CFAP74: variants seen among roughly 807,000 people sequenced by gnomAD.
CFAP74 encodes the protein cilia and flagella associated protein 74.
Under a neutral mutation model 188.9 loss-of-function variants are expected in CFAP74, and 124 were observed. The ratio of observed to expected loss-of-function variants is 0.66; its 90% confidence interval spans 0.57 to 0.76. The LOEUF is 0.76. Among genes scored for constraint, CFAP74 ranks in the 30% least tolerant of loss-of-function variants. The pLI, the probability that CFAP74 is intolerant of heterozygous loss-of-function variation, is 0.00. For missense variants in CFAP74, 2,198 were observed against 2,165.2 expected (o/e 1.02, Z -0.30); for synonymous variants, 956 against 916.7 (o/e 1.04, Z -0.77).
intron 33 of CFAP74, among the ~76,000 whole-genome samples, chr1:1,924,758 C>T (rs1651726659): frequency 6.6e-6 from 1 of 152,220 alleles, no homozygotes; most frequent in Non-Finnish European, 1.5e-5. Context: ...GGTGCGTGGA[C>T]AGCTCTGGGG....
chr1:1,955,426 C>T (rs1329687157), intron 18 of CFAP74: 6 of 1,482,984 alleles, frequency 4.0e-6, no homozygotes, highest in African/African-American at 2.8e-5. Flanking sequence ...TGTGCGGCTC[C>T]GCCCGTGCTG....
At chr1:1,940,785 T>C (rs1349420156) in intron 22 of CFAP74, among the ~76,000 whole-genome samples, 2 of 152,364 alleles carry the variant, frequency 1.3e-5, no homozygotes, top group Non-Finnish European at 2.9e-5. Flanking sequence ...CAGAGCTTGA[T>C]CTCTGATTAC....
At chr1:2,003,563 G>T (rs1026976819) in intron 1 of CFAP74, 138 bp downstream of exon 1, 1 of 152,214 alleles carries the variant, frequency 6.6e-6, no homozygotes, top group Non-Finnish European at 1.5e-5. Context: ...CCAGGGACTA[G>T]AACTATTAAC....
rs1655905179 is a variant in CFAP74 at position 1,970,796 on chromosome 1, T to C, written c.909A>G (p.Gln303=). 1.2e-6 allele frequency: 2 copies of C among 1,614,124 alleles called. No individual in the cohort carries two copies. The highest frequency in any genetic ancestry group is 2.2e-5 in the South Asian group (2 of 91,090). The change falls in exon 10 of 39, where the codon CAA becomes CAG. Residue 303 remains glutamine, a synonymous_variant. Coordinates refer to ENST00000682832, the MANE Select transcript of CFAP74 (RefSeq NM_001304360.2). ...SANRDTLRKF[Q]AWDRAKAELA... is the part of the protein sequence containing the mutation. ...GCTCTGCCTTGGCACGGTCCCATGCTTGGAACTTCCGCAGTGTGTCCTTGG... is the reference window on the plus strand; with the variant it reads ...GCTCTGCCTTGGCACGGTCCCATGCCTGGAACTTCCGCAGTGTGTCCTTGG...
intron 1 of CFAP74, among the ~76,000 whole-genome samples, chr1:2,001,184 C>T (rs1658185418): frequency 6.6e-6 from 1 of 152,150 alleles, no homozygotes; most frequent in East Asian, 1.9e-4. Flanking sequence ...AGGTGTGGTC[C>T]AGCAGAGGGT....
intron 28 of CFAP74, 66 bp downstream of exon 28, chr1:1,927,541 G>A (rs889776885): frequency 2.9e-5 from 42 of 1,450,026 alleles, no homozygotes; most frequent in African/African-American, 4.2e-5. Flanking sequence ...ACTCTACAGG[G>A]GCCACAGTGG....
intron 16 of CFAP74, 144 bp from the exon 17 acceptor site, chr1:1,956,928 C>T: frequency 1.2e-6 from 1 of 847,210 alleles, no homozygotes; most frequent in Non-Finnish European, 1.8e-6. Flanking sequence ...ACGATTCAAC[C>T]CAGAAATCAG....
At chr1:1,947,795 C>T (rs1220718082) in intron 18 of CFAP74, among the ~76,000 whole-genome samples, 1 of 152,212 alleles carries the variant, frequency 6.6e-6, no homozygotes, top group Non-Finnish European at 1.5e-5. Context: ...CAGAGCTCTT[C>T]AGGAGCCAGG....
chr1:1,945,510 C>G (rs1653689366), intron 20 of CFAP74, among the ~76,000 whole-genome samples: 1 of 152,020 alleles, frequency 6.6e-6, no homozygotes, highest in Non-Finnish European at 1.5e-5. Context: ...ATAGGGGGTG[C>G]AGAGAAATGT....
intron 18 of CFAP74, among the ~76,000 whole-genome samples, chr1:1,949,652 C>T (rs1490665344): frequency 1.3e-5 from 2 of 152,318 alleles, no homozygotes; most frequent in East Asian, 3.9e-4. Context: ...GCCCATGCCC[C>T]TTTCTAGTCA....
chr1:1,963,619 C>A (rs72894763), intron 14 of CFAP74, 130 bp downstream of exon 14: 23,117 of 598,232 alleles, frequency 0.039, 2,426 homozygotes, highest in African/African-American at 0.28. Flanking sequence ...TCTACAAAAT[C>A]TTCGTGAAAA....
rs76654570 is a variant in CFAP74, at chr1:1,934,810, T to C, written c.3011+4045A>G. ...TAGGTTGTAGGTACACACGTGTGTA[T>C]GTGGGTGTTACGTTGTAGGTACGTG... On this transcript the variant is annotated intron_variant, in intron 25 of 38. Transcript: ENST00000682832. 5.8e-3 allele frequency among the ~76,000 whole-genome samples: 815 copies of C among 140,314 alleles called. 18 individuals carry two copies. The highest frequency in any genetic ancestry group is 0.02 in the African/African-American group (724 of 36,426). 92.1% of individuals were successfully genotyped at this position (140,314 alleles called of 152,430 possible).
At chr1:1,988,417 G>T in intron 4 of CFAP74, 95 bp downstream of exon 4, 1 of 1,494,718 alleles carries the variant, frequency 6.7e-7, no homozygotes, top group Non-Finnish European at 9.1e-7. Context: ...AGGCCCTCAG[G>T]GTGACGACAG....
In CFAP74 at chr1:1,922,002, T is replaced by C. The variant is rs778154341; in HGVS notation, c.*285A>G. Reference sequence around the variant, plus strand: ...ATTGACAGGCTGTGGAGGGCTCTCCTGGGGGCTGGGGGCTCTGAGGGGGTC... The same window carrying C: ...ATTGACAGGCTGTGGAGGGCTCTCCCGGGGGCTGGGGGCTCTGAGGGGGTC... On this transcript the variant is annotated 3_prime_UTR_variant, in exon 39 of 39. Transcript: ENST00000682832. The C allele has an allele frequency of 2.3e-6, 1 of 439,640 alleles. No homozygotes were observed. The highest frequency in any genetic ancestry group is 4.1e-6 in the Non-Finnish European group (1 of 244,772). 27.2% of individuals were successfully genotyped at this position (439,640 alleles called of 1,614,324 possible). A position where few individuals can be genotyped will look rare whatever the true frequency, so the allele number is the denominator to read the frequency against.
chr1:1,999,553 A>C (rs190529990), intron 1 of CFAP74, among the ~76,000 whole-genome samples: 171 of 152,318 alleles, frequency 1.1e-3, no homozygotes, highest in African/African-American at 3.9e-3. Flanking sequence ...GCAGTGGCTC[A>C]CACCTGTAAT....
chr1:1,991,031 T>A (rs1337999630), intron 1 of CFAP74, 56 bp from the exon 2 acceptor site: 6 of 1,217,144 alleles, frequency 4.9e-6, no homozygotes, highest in Non-Finnish European at 7.0e-6. Flanking sequence ...TAAAAGACGG[T>A]GAATTAACCA....
rs1331085994 is a variant in CFAP74, at chr1:1,926,742, G to C, written c.3682C>G (p.Leu1228Val). 1 of 1,550,128 alleles carries C rather than the reference G, an allele frequency of 6.5e-7. No individual in the cohort carries two copies. The highest frequency in any genetic ancestry group is 2.0e-5 in the Admixed American group (1 of 50,996). ...LSFSPHNTLY[L>V]ELWCPTVAPS... ...GCCACCGTCGGGCACCACAGCTCCA[G>C]GTACAGGGTGTTGTGGGGGCTGGGA... The change falls in exon 30 of 39, where the codon CTG becomes GTG. Residue 1228 changes from leucine (L) to valine (V), a missense_variant. Transcript: ENST00000682832.
intron 6 of CFAP74, 132 bp from the exon 7 acceptor site, chr1:1,974,330 G>C: frequency 1.2e-6 from 1 of 806,680 alleles, no homozygotes; most frequent in African/African-American, 1.8e-5. Context: ...CCTCCTCTAG[G>C]GGCCATCTCC....
chr1:1,945,983 G>C (rs1052518353), intron 20 of CFAP74, among the ~76,000 whole-genome samples: 1 of 144,268 alleles, frequency 6.9e-6, no homozygotes, highest in Non-Finnish European at 1.5e-5. Flanking sequence ...TGTGGGGGGG[G>C]CTCTGCATGT....
Sources: allele counts gnomAD v4.1 joint callset (sites outside exome capture counted in the v4.1 genomes callset), GRCh38; gene constraint gnomAD v4.1.1; transcripts MANE v1.5; gene names NCBI Gene and HGNC (gene_info 2026-07-23, HGNC 2026-07-21).